Variants in PLCH1 observed in about 807,000 individuals in gnomAD.
PLCH1 encodes the protein phospholipase C eta 1, also known as 1-phosphatidylinositol 4,5-bisphosphate phosphodiesterase eta-1.
A neutral mutation model predicts 126.7 loss-of-function variants in PLCH1; 60 were observed. The observed-to-expected ratio is 0.47, with a 90% CI of 0.38 to 0.59. The LOEUF (loss-of-function observed/expected upper bound fraction) is 0.59. Ranked by LOEUF, PLCH1 falls within the 20% of genes least tolerant of loss-of-function variation. The pLI is 0.00. For missense variants in PLCH1, 1,723 were observed against 2,040.0 expected (o/e 0.84, Z 2.99); for synonymous variants, 719 against 734.9 (o/e 0.98, Z 0.35).
intron 2 of PLCH1, among the ~76,000 whole-genome samples, chr3:155,653,547 C>T (rs1188487886): frequency 6.6e-6 from 1 of 152,158 alleles, no homozygotes; most frequent in East Asian, 1.9e-4. Flanking sequence ...TTTATGCCTG[C>T]ACAAAACAAG....
intron 21 of PLCH1, among the ~76,000 whole-genome samples, chr3:155,469,346 C>T (rs1560031696): frequency 1.3e-5 from 2 of 152,202 alleles, no homozygotes; most frequent in Non-Finnish European, 2.9e-5. Flanking sequence ...TCACTCCCAC[C>T]CGAATACTGC....
chr3:155,561,083 A>G (rs1382056781), intron 8 of PLCH1, among the ~76,000 whole-genome samples: 1 of 151,746 alleles, frequency 6.6e-6, no homozygotes, highest in Non-Finnish European at 1.5e-5. Context: ...CTATCCAGCT[A>G]TACCTTTCTG....
intron 8 of PLCH1, among the ~76,000 whole-genome samples, chr3:155,563,584 C>T (rs1332703633): frequency 6.6e-6 from 1 of 151,666 alleles, no homozygotes; most frequent in Non-Finnish European, 1.5e-5. Flanking sequence ...TTCCCACCAA[C>T]TTCCTGCTTC....
At chr3:155,564,099 T>C (rs1160271889) in intron 8 of PLCH1, among the ~76,000 whole-genome samples, 1 of 151,994 alleles carries the variant, frequency 6.6e-6, no homozygotes, top group Non-Finnish European at 1.5e-5. Context: ...AGGTGTACAA[T>C]ACCATGCCTG....
At chr3:155,666,080 G>A (rs1031041956) in intron 2 of PLCH1, among the ~76,000 whole-genome samples, 1 of 152,096 alleles carries the variant, frequency 6.6e-6, no homozygotes, top group Non-Finnish European at 1.5e-5. Flanking sequence ...TATTTAGGTT[G>A]CTCCCTTTTT....
chr3:155,661,256 G>GGA (rs904442373), intron 2 of PLCH1, among the ~76,000 whole-genome samples: 2 of 151,884 alleles, frequency 1.3e-5, no homozygotes, highest in Admixed American at 6.6e-5. Flanking sequence ...TAGAGAGCAG[G>GGA]GAGAGAGAGA....
At chr3:155,556,433 C>A (rs1220682781) in intron 8 of PLCH1, among the ~76,000 whole-genome samples, 1 of 152,128 alleles carries the variant, frequency 6.6e-6, no homozygotes, top group Admixed American at 6.5e-5. Flanking sequence ...TAGCACCTTC[C>A]CCTATATGTG....
At chr3:155,634,954 G>C (rs1046166672) in intron 2 of PLCH1, among the ~76,000 whole-genome samples, 1 of 152,096 alleles carries the variant, frequency 6.6e-6, no homozygotes, top group Admixed American at 6.5e-5. Context: ...TGAAGGCTGT[G>C]GGTCTTGGAA....
intron 8 of PLCH1, among the ~76,000 whole-genome samples, chr3:155,558,297 A>G (rs1298235584): frequency 6.6e-6 from 1 of 152,212 alleles, no homozygotes; most frequent in Non-Finnish European, 1.5e-5. Flanking sequence ...GACCGGCTAC[A>G]TTCTATAAAT....
intron 2 of PLCH1, among the ~76,000 whole-genome samples, chr3:155,615,902 T>G (rs968537625): frequency 6.6e-6 from 1 of 152,162 alleles, no homozygotes; most frequent in Non-Finnish European, 1.5e-5. Flanking sequence ...ACCTGTTCCC[T>G]AAATATTATT....
At chr3:155,582,440 T>C (rs1462071344) in intron 6 of PLCH1, among the ~76,000 whole-genome samples, 1 of 152,152 alleles carries the variant, frequency 6.6e-6, no homozygotes. Context: ...ACTTTAAAAA[T>C]GGTGAATTTT....
rs1429419164 is a variant in PLCH1 at position 155,482,402 on chromosome 3, A to G, written c.3624T>C (p.His1208=). 1.2e-6 allele frequency: 2 copies of G among 1,614,158 alleles called. No homozygotes were observed. The highest frequency in any genetic ancestry group is 3.3e-5 in the Admixed American group (2 of 60,026). The change falls in exon 23 of 23, where the codon CAT becomes CAC. Residue 1208 remains histidine, a synonymous_variant. Transcript: ENST00000460012. ...TNNQALTVVS[H]LHNTSVMSGH... Reference sequence around the variant, plus strand: ...CTGACATCACACTGGTATTATGAAGATGAGAAACAACTGTGAGAGCCTGAT... The same window carrying G: ...CTGACATCACACTGGTATTATGAAGGTGAGAAACAACTGTGAGAGCCTGAT...
At chr3:155,659,087 A>G (rs1490291148) in intron 2 of PLCH1, among the ~76,000 whole-genome samples, 4 of 152,132 alleles carry the variant, frequency 2.6e-5, no homozygotes, top group African/African-American at 9.7e-5. Flanking sequence ...TGTGAAGCCC[A>G]TCACAACCCA....
chr3:155,721,769 C>G (rs966940290), intron 1 of PLCH1, among the ~76,000 whole-genome samples: 2 of 152,022 alleles, frequency 1.3e-5, no homozygotes, highest in Non-Finnish European at 1.5e-5. Context: ...AAAAGTGGGC[C>G]GGGCACAGTA....
intron 14 of PLCH1, among the ~76,000 whole-genome samples, chr3:155,499,998 A>G (rs937949352): frequency 1.3e-5 from 2 of 152,154 alleles, no homozygotes; most frequent in Admixed American, 1.3e-4. Context: ...TCATTTTTCA[A>G]TAAAGGCAAA....
intron 2 of PLCH1, among the ~76,000 whole-genome samples, chr3:155,628,884 T>G (rs1485099199): frequency 6.6e-6 from 1 of 152,182 alleles, no homozygotes; most frequent in Non-Finnish European, 1.5e-5. Context: ...ATATGGGAGA[T>G]GTTATATTCA....
chr3:155,741,460 G>A (rs1165225554), intron 1 of PLCH1, among the ~76,000 whole-genome samples: 1 of 152,142 alleles, frequency 6.6e-6, no homozygotes, highest in Non-Finnish European at 1.5e-5. Flanking sequence ...TCATGAGGTG[G>A]TGAAGGAAAG....
intron 17 of PLCH1, 74 bp downstream of exon 17, chr3:155,494,067 T>C: frequency 1.6e-5 from 19 of 1,169,482 alleles, no homozygotes; most frequent in Non-Finnish European, 2.4e-5. Flanking sequence ...ACAGCTTCCT[T>C]AATAAAGGTT....
At chr3:155,686,448 G>A (rs1744945598) in intron 2 of PLCH1, among the ~76,000 whole-genome samples, 3 of 152,328 alleles carry the variant, frequency 2.0e-5, no homozygotes, top group Admixed American at 1.3e-4. Context: ...TGTTATGGCA[G>A]TGCTTGGGAA....
Sources: gnomAD v4.1 joint callset for allele counts (sites outside exome capture counted in the v4.1 genomes callset) on GRCh38, gnomAD v4.1.1 for gene constraint, MANE v1.5 for transcripts, NCBI Gene and HGNC (gene_info 2026-07-23, HGNC 2026-07-21) for gene names.